DDC: variants seen among roughly 807,000 people sequenced by gnomAD.
DDC encodes the protein aromatic-L-amino-acid decarboxylase.
A neutral mutation model predicts 60.0 loss-of-function variants in DDC; 43 were observed. The observed-to-expected ratio is 0.72, with a 90% CI of 0.56 to 0.92. DDC has a LOEUF of 0.92. Among genes scored for constraint, DDC ranks in the 40% least tolerant of loss-of-function variants. DDC has a pLI of 0.00. For synonymous variants in DDC, 232 were observed against 234.6 expected, an observed-to-expected ratio of 0.99 and a Z score of 0.10; for missense variants, 573 against 620.2, an observed-to-expected ratio of 0.92 and a Z score of 0.81.
At chr7:50,532,905 C>A (rs1344657971) in intron 4 of DDC, among the ~76,000 whole-genome samples, 1 of 152,124 alleles carries the variant, frequency 6.6e-6, no homozygotes, top group Non-Finnish European at 1.5e-5. Flanking sequence ...ATGAATACAG[C>A]CAGGAGAGTC....
At chr7:50,564,804 G>C (rs1212820277) in intron 1 of DDC, among the ~76,000 whole-genome samples, 1 of 152,106 alleles carries the variant, frequency 6.6e-6, no homozygotes, top group Non-Finnish European at 1.5e-5. Flanking sequence ...TACACCAAAA[G>C]GAGAGAGCCC....
At chr7:50,459,685 T>C (rs369091494) in intron 14 of DDC, 2,503 of 161,100 alleles carry the variant, frequency 0.016, 70 homozygotes, top group African/African-American at 0.06. Flanking sequence ...TCTGCCCAGC[T>C]GCCCCGTCTG....
At chr7:50,561,341 T>C (rs1298411571) in intron 1 of DDC, among the ~76,000 whole-genome samples, 1 of 152,118 alleles carries the variant, frequency 6.6e-6, no homozygotes, top group African/African-American at 2.4e-5. Flanking sequence ...GGGCCAGGGC[T>C]CCTGGGACTC....
intron 1 of DDC, among the ~76,000 whole-genome samples, chr7:50,553,956 C>A (rs888257940): frequency 6.6e-6 from 1 of 152,166 alleles, no homozygotes; most frequent in African/African-American, 2.4e-5. Context: ...CCTCTAAGTT[C>A]TTTCTTTAAC....
At chr7:50,541,005 T>A (rs570287510) in intron 2 of DDC, among the ~76,000 whole-genome samples, 1 of 152,312 alleles carries the variant, frequency 6.6e-6, no homozygotes, top group East Asian at 1.9e-4. Flanking sequence ...TTCCTGCCAA[T>A]GCAGTACCTG....
chr7:50,495,488 T>C, intron 8 of DDC, 71 bp from the exon 9 acceptor site: 1 of 1,225,552 alleles, frequency 8.2e-7, no homozygotes, highest in Non-Finnish European at 1.2e-6. Context: ...GAAGACCCCA[T>C]ACATGATAAT....
At chr7:50,496,237 CCA>C (rs2043124696) in intron 8 of DDC, among the ~76,000 whole-genome samples, 1 of 152,032 alleles carries the variant, frequency 6.6e-6, no homozygotes, top group Admixed American at 6.6e-5. Context: ...GCGTGTGCCA[CCA>C]CACACAGCTA....
intron 14 of DDC, chr7:50,459,555 C>T (rs1339198707): frequency 1.7e-5 from 3 of 176,098 alleles, no homozygotes; most frequent in African/African-American, 4.9e-5. Flanking sequence ...AAGTGAGGAG[C>T]GTCTCTGCCC....
rs201330608 is a variant in DDC, at chr7:50,533,683, G to GAAAT, written c.435+4173_435+4176dup. Among the ~76,000 whole-genome samples the GAAAT allele has an allele frequency of 1.1e-3, 166 of 152,304 alleles. 3 individuals carry two copies. In the East Asian group the frequency reaches 0.027, roughly 25 times the overall value. ...AAAGGGAAATATCGAAAGGAAGAGAGAAATCATGGAAGAGGTACCCAATCT... is the reference window on the plus strand; with the variant it reads ...AAAGGGAAATATCGAAAGGAAGAGAGAAATAAATCATGGAAGAGGTACCCAATCT... On this transcript the variant is annotated intron_variant, in intron 4 of 14. Transcript: ENST00000444124.
chr7:50,462,757 CTCT>C (rs1483898383), intron 14 of DDC, among the ~76,000 whole-genome samples: 1 of 144,210 alleles, frequency 6.9e-6, no homozygotes, highest in Admixed American at 7.0e-5. Flanking sequence ...ACATGGTTTT[CTCT>C]TCTTCTTGTT....
At chr7:50,463,173 G>A (rs1182398372) in intron 14 of DDC, 40 bp downstream of exon 14, 2 of 1,518,926 alleles carry the variant, frequency 1.3e-6, no homozygotes, top group Non-Finnish European at 1.8e-6. Context: ...CTTGCCACGG[G>A]ACAAGGAGAC....
At chr7:50,554,309 G>C (rs1398557976) in intron 1 of DDC, among the ~76,000 whole-genome samples, 2 of 152,108 alleles carry the variant, frequency 1.3e-5, no homozygotes, top group Non-Finnish European at 2.9e-5. Context: ...GGGCAACTGT[G>C]GGGGGCAGGG....
At chr7:50,493,048 G>T in intron 9 of DDC, 1 of 1,520,702 alleles carries the variant, frequency 6.6e-7, no homozygotes, top group Non-Finnish European at 9.0e-7. Context: ...TTCTTATCGT[G>T]TGTCAATATT....
intron 2 of DDC, among the ~76,000 whole-genome samples, chr7:50,540,445 C>T (rs779125696): frequency 6.6e-6 from 1 of 151,918 alleles, no homozygotes; most frequent in Non-Finnish European, 1.5e-5. Flanking sequence ...GCTTAGTTTT[C>T]CTAAAACTAC....
chr7:50,527,814 C>G (rs766139712), intron 6 of DDC: 3 of 293,696 alleles, frequency 1.0e-5, no homozygotes, highest in Non-Finnish European at 2.0e-5. Flanking sequence ...TAACTTTGAG[C>G]CATGTCAGTT....
intron 8 of DDC, 70 bp downstream of exon 8, chr7:50,499,078 C>T: frequency 8.2e-7 from 1 of 1,213,166 alleles, no homozygotes. Context: ...ACGTCAGCTC[C>T]TCATGAAGGG....
At chr7:50,500,424 C>T (rs1188772365) in intron 7 of DDC, among the ~76,000 whole-genome samples, 1 of 152,180 alleles carries the variant, frequency 6.6e-6, no homozygotes, top group Non-Finnish European at 1.5e-5. Flanking sequence ...AACGTTCAGA[C>T]TACAGCAAGC....
At chr7:50,546,011 A>C (rs985021664) in intron 1 of DDC, among the ~76,000 whole-genome samples, 3 of 152,214 alleles carry the variant, frequency 2.0e-5, no homozygotes, top group Non-Finnish European at 4.4e-5. Context: ...TGACATGCCC[A>C]AGATCACATG....
rs565008653 is a variant in DDC, at chr7:50,545,229, C to T, written c.-28-1116G>A. On this transcript the variant is annotated intron_variant, in intron 1 of 14. Coordinates refer to ENST00000444124, the MANE Select transcript of DDC (RefSeq NM_001082971.2). ...CATCGGACAAGCACATTCTCCACTA[C>T]GCTACACATATGTACGTCCCTGAGT... 5.3e-5 allele frequency among the ~76,000 whole-genome samples: 8 copies of T among 152,304 alleles called. No homozygotes were observed. In the East Asian group the frequency reaches 5.8e-4, roughly 11 times the overall value.
Sources: allele counts gnomAD v4.1 joint callset (sites outside exome capture counted in the v4.1 genomes callset), GRCh38; gene constraint gnomAD v4.1.1; transcripts MANE v1.5; gene names NCBI Gene and HGNC (gene_info 2026-07-23, HGNC 2026-07-21).